Variants in MYPOP observed in about 807,000 individuals in gnomAD.
MYPOP encodes myb-related transcription factor, partner of profilin.
In MYPOP, 21 loss-of-function variants were observed where a neutral mutation model predicts 25.7. The observed-to-expected ratio is 0.82, with a 90% CI of 0.58 to 1.18. The LOEUF (loss-of-function observed/expected upper bound fraction) is 1.18, where lower values mean the gene tolerates loss of function less well. Among genes scored for constraint, MYPOP ranks in the 50% most tolerant of loss-of-function variants. MYPOP has a pLI of 0.00. For synonymous variants in MYPOP, 280 were observed against 247.9 expected, an observed-to-expected ratio of 1.13 and a Z score of -1.22; for missense variants, 566 against 588.3, an observed-to-expected ratio of 0.96 and a Z score of 0.39.
At chr19:45,893,947 GC>G (rs1967164215) in intron 2 of MYPOP, among the ~76,000 whole-genome samples, 1 of 149,048 alleles carries the variant, frequency 6.7e-6, no homozygotes, top group East Asian at 2.0e-4. Context: ...CCGCCACCAC[GC>G]CCGGCTAATT....
At position 45,891,254 on chromosome 19, in the gene MYPOP, T is replaced by G. The variant is rs750085223; in HGVS notation, c.569A>C (p.Gln190Pro). The change falls in exon 3 of 3, where the codon CAG becomes CCG. Residue 190 changes from glutamine (Q) to proline (P), a missense_variant. By Grantham distance (76) the Gln-to-Pro change is moderately conservative (BLOSUM62 -1). Coordinates refer to ENST00000322217, the MANE Select transcript of MYPOP (RefSeq NM_001012643.4). ...CTTGGGCCGTGGGCAGCCCCCTTCCTGGGGAGTGCAGGAGGGCCGGGCCCA... is the reference window on the plus strand; with the variant it reads ...CTTGGGCCGTGGGCAGCCCCCTTCCGGGGGAGTGCAGGAGGGCCGGGCCCA... Reference protein sequence around the residue: ...EPWARPSCTPQEGGCPRPKER... With the variant: ...EPWARPSCTPPEGGCPRPKER... 6.4e-6 allele frequency: 10 copies of G among 1,552,038 alleles called. No individual in the cohort carries two copies. In the Admixed American group the frequency reaches 1.3e-4, roughly 21 times the overall value.
chr19:45,893,315 A>G (rs1160421840), intron 2 of MYPOP, among the ~76,000 whole-genome samples: 2 of 151,728 alleles, frequency 1.3e-5, no homozygotes, highest in African/African-American at 2.4e-5. Context: ...CACGCCTGTA[A>G]TCCCAGCACT....
chr19:45,898,145 G>T (rs1967233736), intron 2 of MYPOP, among the ~76,000 whole-genome samples: 1 of 151,640 alleles, frequency 6.6e-6, no homozygotes, highest in African/African-American at 2.4e-5. Flanking sequence ...GACTGGTCTT[G>T]AACTCCTAAC....
In MYPOP at chr19:45,890,702, G is replaced by C; in HGVS notation, c.1121C>G (p.Pro374Arg). The C allele has an allele frequency of 6.2e-7, 1 of 1,600,242 alleles. No homozygotes were observed. The highest frequency in any genetic ancestry group is 1.1e-5 in the South Asian group (1 of 89,890). Residue 374 changes from proline to arginine, a missense_variant, in exon 3 of 3, where the codon CCT becomes CGT. By Grantham distance (103) the Pro-to-Arg change is moderately radical. Coordinates refer to ENST00000322217, the MANE Select transcript of MYPOP (RefSeq NM_001012643.4). ...GAPRPPPAPL[P>R]PHDSPPHKRR... ...CTTGTGTGGGGGGGAGTCGTGCGGA[G>C]GGAGCGGGGCTGGGGGGGGCCGGGG...
Position 45,901,003 on chromosome 19 carries a change from C to G in MYPOP, c.499+272G>C, listed in dbSNP as rs560460154. ...GCAGCCTGCCTCCAGAGTCACTACT[C>G]GACACTGCATTTAATGAAATCCTGC... is the stretch of plus-strand genomic sequence containing the variant. On this transcript the variant is annotated intron_variant, in intron 2 of 2. Transcript: ENST00000322217. The surrounding 1 kb of genome is among the most constrained non-coding windows in gnomAD (Gnocchi z 5.7). Among the ~76,000 whole-genome samples the G allele has an allele frequency of 5.3e-4, 81 of 152,254 alleles. No homozygotes were observed. Among genetic ancestry groups the G allele is most frequent in the African/African-American group, 1.8e-3 (73 of 41,536 alleles).
Position 45,901,214 on chromosome 19 carries a change from G to T in MYPOP, c.499+61C>A. 7.3e-7 allele frequency: 1 copy of T among 1,371,568 alleles called. No homozygotes were observed. Among genetic ancestry groups the T allele is most frequent in the Non-Finnish European group, 9.5e-7 (1 of 1,054,244 alleles). The allele number at this position is 1,371,568 out of a possible 1,614,324, so 85.0% of individuals were successfully genotyped here. ...CCTCACAGGGCTGCAGCAAGGCTTT[G>T]ATGAGACATGTAAAAGGCTTGCAAC... On this transcript the variant is annotated intron_variant, in intron 2 of 2. Coordinates refer to ENST00000322217, the MANE Select transcript of MYPOP (RefSeq NM_001012643.4). The surrounding 1 kb of genome is among the most constrained non-coding windows in gnomAD (Gnocchi z 5.7).
intron 2 of MYPOP, among the ~76,000 whole-genome samples, chr19:45,893,055 C>G (rs1967147929): frequency 6.6e-6 from 1 of 152,192 alleles, no homozygotes; most frequent in East Asian, 1.9e-4. Context: ...GGGTGGATCA[C>G]CTGAGGTCAG....
chr19:45,892,213 G>A (rs928940600), intron 2 of MYPOP, among the ~76,000 whole-genome samples: 34 of 152,086 alleles, frequency 2.2e-4, no homozygotes, highest in African/African-American at 8.2e-4. Flanking sequence ...GAGCCACTGC[G>A]CTCGGACAAG....
chr19:45,890,707 CGGGGCTGGGG>C lies in MYPOP; in HGVS notation c.1106_1115del (p.Pro369ArgfsTer34). On this transcript the variant is annotated frameshift_variant, in exon 3 of 3. Coordinates refer to ENST00000322217, the MANE Select transcript of MYPOP (RefSeq NM_001012643.4). LOFTEE classifies it high-confidence loss of function. ...GTGGGGGGGAGTCGTGCGGAGGGAG[CGGGGCTGGGG>C]GGGGCCGGGGTGCCCCCTCCTCGCT... 1 of 339,890 alleles carries C rather than the reference CGGGGCTGGGG, an allele frequency of 2.9e-6. No individual in the cohort carries two copies. Among genetic ancestry groups the C allele is most frequent in the Non-Finnish European group, 5.1e-6 (1 of 197,954 alleles). 21.1% of individuals were successfully genotyped at this position (339,890 alleles called of 1,614,324 possible). A position where few individuals can be genotyped will look rare whatever the true frequency, so the allele number is the denominator to read the frequency against.
chr19:45,898,171 C>T (rs59228790), intron 2 of MYPOP, among the ~76,000 whole-genome samples: 30 of 151,690 alleles, frequency 2.0e-4, no homozygotes, highest in East Asian at 1.4e-3. Context: ...GTGATCCGCC[C>T]GCCTTGGCCT....
chr19:45,898,318 G>T (rs1335770687), intron 2 of MYPOP, among the ~76,000 whole-genome samples: 3 of 150,900 alleles, frequency 2.0e-5, no homozygotes, highest in African/African-American at 7.3e-5. Context: ...CCTGTGTATG[G>T]TTCTTTTTTT....
chr19:45,901,258 A>C lies in MYPOP; in HGVS notation c.499+17T>G. ...TTGCAACAGCGCAGGCACACAGCCT[A>C]CTCTGAAGACACTCACCTGCACGTC... On this transcript the variant is annotated intron_variant, in intron 2 of 2. Coordinates refer to ENST00000322217, the MANE Select transcript of MYPOP (RefSeq NM_001012643.4). This position sits in a 1 kb window ranked among gnomAD's most constrained non-coding sequence, Gnocchi z 5.7. The C allele has an allele frequency of 6.9e-7, 1 of 1,438,932 alleles. No individual in the cohort carries two copies. Among genetic ancestry groups the C allele is most frequent in the Non-Finnish European group, 9.1e-7 (1 of 1,096,426 alleles). The allele number at this position is 1,438,932 out of a possible 1,614,324, so 89.1% of individuals were successfully genotyped here.
chr19:45,901,147 TCA>T lies in MYPOP; in HGVS notation c.499+126_499+127del. 1.1e-6 allele frequency: 1 copy of T among 913,696 alleles called. No homozygotes were observed. Among genetic ancestry groups the T allele is most frequent in the South Asian group, 3.1e-5 (1 of 32,050 alleles). The allele number at this position is 913,696 out of a possible 1,614,324, so 56.6% of individuals were successfully genotyped here. On this transcript the variant is annotated intron_variant, in intron 2 of 2. Coordinates refer to ENST00000322217, the MANE Select transcript of MYPOP (RefSeq NM_001012643.4). This position sits in a 1 kb window ranked among gnomAD's most constrained non-coding sequence, Gnocchi z 5.7. ...GCAAGTCATTTCATTTTTCTGAGCT[TCA>T]GTTTCCCTAGCTATAAAATGGGGCG...
rs1337181049 is a variant in MYPOP at position 45,901,394 on chromosome 19, G to A, written c.380C>T (p.Pro127Leu). The change falls in exon 2 of 3, where the codon CCG (proline) becomes CTG (leucine). Residue 127 changes from proline (P) to leucine (L), a missense_variant. Transcript: ENST00000322217. The surrounding 1 kb of genome is among the most constrained non-coding windows in gnomAD (Gnocchi z 5.7). ...FAILGPGVAA[P>L]GAGAGAEEPP... ...CTCCTCCGCCCCAGCACCTGCCCCC[G>A]GCGCCGCCACACCTGGCCCCAGGAT... The A allele has an allele frequency of 2.0e-6, 3 of 1,521,586 alleles. No individual in the cohort carries two copies. The African/African-American group carries it at 4.2e-5, about 21-fold the overall frequency. 94.3% of individuals were successfully genotyped at this position (1,521,586 alleles called of 1,614,324 possible). A position where few individuals can be genotyped will look rare whatever the true frequency, so the allele number is the denominator to read the frequency against.
Position 45,901,452 on chromosome 19 carries a change from C to A in MYPOP, c.322G>T (p.Ala108Ser). 6.3e-7 allele frequency: 1 copy of A among 1,594,984 alleles called. No individual in the cohort carries two copies. Among genetic ancestry groups the A allele is most frequent in the Non-Finnish European group, 8.5e-7 (1 of 1,170,702 alleles). The change falls in exon 2 of 3, where the codon GCT becomes TCT. Residue 108 changes from alanine (A) to serine (S), a missense_variant. Coordinates refer to ENST00000322217, the MANE Select transcript of MYPOP (RefSeq NM_001012643.4). This position sits in a 1 kb window ranked among gnomAD's most constrained non-coding sequence, Gnocchi z 5.7. ...TQGAGPAAED[A>S]FSAEEETIFA... The stretch of plus-strand genomic sequence containing the variant: ...ATGGTCTCCTCTTCCGCGGAGAAAG[C>A]GTCCTCCGCGGCGGGCCCGGCGCCC...
chr19:45,896,164 G>A (rs367646601), intron 2 of MYPOP, among the ~76,000 whole-genome samples: 1 of 152,194 alleles, frequency 6.6e-6, no homozygotes, highest in East Asian at 1.9e-4. Context: ...GGTGGTGCAC[G>A]CCTGTGATCC....
At chr19:45,897,359 G>A (rs2146379810) in intron 2 of MYPOP, among the ~76,000 whole-genome samples, 1 of 151,988 alleles carries the variant, frequency 6.6e-6, no homozygotes, top group South Asian at 2.1e-4. Flanking sequence ...CACCACACCA[G>A]GCCAGAGTCC....
chr19:45,901,128 C>T lies in MYPOP; in HGVS notation c.499+147G>A. On this transcript the variant is annotated intron_variant, in intron 2 of 2. Coordinates refer to ENST00000322217, the MANE Select transcript of MYPOP (RefSeq NM_001012643.4). This position sits in a 1 kb window ranked among gnomAD's most constrained non-coding sequence, Gnocchi z 5.7. The stretch of plus-strand genomic sequence containing the variant: ...ACTAGCTATCGGAACTGAGGCAAGT[C>T]ATTTCATTTTTCTGAGCTTCAGTTT... The T allele has an allele frequency of 1.3e-6, 1 of 797,094 alleles. No individual in the cohort carries two copies. The highest frequency in any genetic ancestry group is 1.8e-5 in the African/African-American group (1 of 55,364). 49.4% of individuals were successfully genotyped at this position (797,094 alleles called of 1,614,324 possible).
chr19:45,891,982 T>C (rs2080968), intron 2 of MYPOP, among the ~76,000 whole-genome samples: 100,986 of 151,884 alleles, frequency 0.66, 33,915 homozygotes, highest in East Asian at 0.81. Flanking sequence ...TGCAGTGGCG[T>C]GATCTCGGCT....
Sources: gnomAD v4.1 joint callset for allele counts (sites outside exome capture counted in the v4.1 genomes callset) on GRCh38, gnomAD v4.1.1 for gene constraint, Gnocchi (gnomAD v3.1) non-coding constraint, MANE v1.5 for transcripts, NCBI Gene and HGNC (gene_info 2026-07-23, HGNC 2026-07-21) for gene names.